NHLH2: variants seen among roughly 807,000 people sequenced by gnomAD.
The protein encoded by NHLH2 is nescient helix-loop-helix 2, also known as helix-loop-helix protein 2.
In NHLH2, 7 loss-of-function variants were observed where a neutral mutation model predicts 7.3. The observed-to-expected ratio is 0.96, with a 90% CI of 0.55 to 1.81. The LOEUF (loss-of-function observed/expected upper bound fraction) is 1.81, where lower values mean the gene tolerates loss of function less well. Among genes scored for constraint, NHLH2 ranks in the 40% most tolerant of loss-of-function variants. The pLI, the probability that NHLH2 is intolerant of heterozygous loss-of-function variation, is 0.00. For missense variants in NHLH2, 155 were observed against 194.0 expected (o/e 0.80, Z 1.19); for synonymous variants, 93 against 91.6 (o/e 1.01, Z -0.09).
chr1:115,840,137 G>A (rs1220349524), intron 2 of NHLH2, 79 bp downstream of exon 2: 3 of 166,948 alleles, frequency 1.8e-5, no homozygotes, highest in Non-Finnish European at 2.9e-5. Context: ...TCTCTTTATG[G>A]AATGAACTGC....
At chr1:115,833,405 G>A (rs571893653), downstream of NHLH2, among the ~76,000 whole-genome samples, 250 of 152,272 alleles carry the variant, frequency 1.6e-3, 1 homozygote, top group African/African-American at 5.6e-3. Context: ...TACTGCAGAC[G>A]CAGCACTCCT....
downstream of NHLH2, chr1:115,836,304 C>A (rs1455474494): frequency 3.3e-5 from 5 of 152,094 alleles, no homozygotes; most frequent in Non-Finnish European, 5.9e-5. Context: ...GGAATTGAGT[C>A]CATTAAGATA....
downstream of NHLH2, among the ~76,000 whole-genome samples, chr1:115,836,182 T>C (rs1318808776): frequency 1.3e-5 from 2 of 152,204 alleles, no homozygotes; most frequent in East Asian, 3.8e-4. Context: ...CACCATCATA[T>C]GTAGGGCATC....
chr1:115,839,766 C>A lies in NHLH2; in HGVS notation c.-9+450G>T, dbSNP rs1358068777. ...GCGTTTGCTTCTAGAGAAACAAAAG[C>A]AAGGGGATGGGTGATCGGTTCCCAG... On this transcript the variant is annotated intron_variant, in intron 2 of 2. Transcript: ENST00000320238. The A allele has an allele frequency of 2.4e-5, 4 of 166,858 alleles. No individual in the cohort carries two copies. The East Asian group carries it at 7.7e-4, about 32-fold the overall frequency. The allele number at this position is 166,858 out of a possible 1,614,324, so 10.3% of individuals were successfully genotyped here.
chr1:115,837,981 T>C lies in NHLH2; in HGVS notation c.392A>G (p.His131Arg). 1 of 1,602,646 alleles carries C rather than the reference T, an allele frequency of 6.2e-7. No homozygotes were observed. Among genetic ancestry groups the C allele is most frequent in the Non-Finnish European group, 8.5e-7 (1 of 1,175,656 alleles). Residue 131 changes from histidine to arginine, a missense_variant, in exon 3 of 3, where the codon CAC (histidine) becomes CGC (arginine). Coordinates refer to ENST00000320238, the MANE Select transcript of NHLH2 (RefSeq NM_005599.3). ...LAICYISYLNHVLDV is the reference protein window; with the variant it reads ...LAICYISYLNRVLDV The stretch of plus-strand genomic sequence containing the variant: ...CACCCCGCCCTACACGTCCAGGACG[T>C]GGTTGAGATAGGAGATGTAGCAGAT...
At chr1:115,838,509 C>T in intron 2 of NHLH2, 129 bp from the exon 3 acceptor site, 2 of 1,040,910 alleles carry the variant, frequency 1.9e-6, no homozygotes, top group East Asian at 2.9e-5. Flanking sequence ...CACAGCAGGC[C>T]GGCGCGCGAC....
downstream of NHLH2, among the ~76,000 whole-genome samples, chr1:115,831,763 A>T (rs1222616918): frequency 3.9e-5 from 6 of 152,166 alleles, no homozygotes; most frequent in East Asian, 1.2e-3. Context: ...TCTACAAAAA[A>T]TACAAAAAAT....
At chr1:115,833,486 G>A (rs1557827963), downstream of NHLH2, among the ~76,000 whole-genome samples, 1 of 152,056 alleles carries the variant, frequency 6.6e-6, no homozygotes, top group African/African-American at 2.4e-5. Flanking sequence ...ACCAAGGGGG[G>A]TGGTGTGTGA....
downstream of NHLH2, among the ~76,000 whole-genome samples, chr1:115,835,340 A>T (rs1307024981): frequency 6.6e-6 from 1 of 152,212 alleles, no homozygotes; most frequent in Non-Finnish European, 1.5e-5. Flanking sequence ...TGCTATAAGA[A>T]CTAGGAGTGG....
Position 115,838,300 on chromosome 1 carries a change from C to T in NHLH2, c.73G>A (p.Gly25Ser). 2 of 1,609,036 alleles carry T rather than the reference C, an allele frequency of 1.2e-6. No homozygotes were observed. Among genetic ancestry groups the T allele is most frequent in the Non-Finnish European group, 1.7e-6 (2 of 1,179,264 alleles). Residue 25 changes from glycine (G) to serine (S), a missense_variant, in exon 3 of 3, where the codon GGC becomes AGC. Around this residue, in one of 2 missense-constraint regions of NHLH2, gnomAD observed 91 missense variants for 86.6 expected, o/e 1.05. Transcript: ENST00000320238. ...CCGAGCACCTTGGTGTCCGTGCCGC[C>T]CAGGGACTCCGGATCCGAGTGCGCC... The part of the protein sequence containing the change: ...SSAHSDPESL[G>S]GTDTKVLGSV...
Position 115,840,324 on chromosome 1 carries a change from A to C in NHLH2, c.-117T>G, listed in dbSNP as rs1651036822. On this transcript the variant is annotated 5_prime_UTR_variant, in exon 2 of 3. It removes an upstream start codon present in the reference 5' UTR. Transcript: ENST00000320238. ...ATTAAAAGCAGCAAATATTTATTAC[A>C]TTCAAAAATGAAAAAGCAGCTGTCA... 3 of 167,122 alleles carry C rather than the reference A, an allele frequency of 1.8e-5. No individual in the cohort carries two copies. 10.4% of individuals were successfully genotyped at this position (167,122 alleles called of 1,614,324 possible).
In NHLH2 at chr1:115,838,080, G is replaced by C; in HGVS notation, c.293C>G (p.Ala98Gly). ...IRVEAFNLAF[A>G]ELRKLLPTLP... is the part of the protein sequence containing the mutation. ...CGTGGGCAGCAATTTGCGGAGCTCGGCGAAGGCCAAGTTGAAGGCTTCCAC... is the reference window on the plus strand; with the variant it reads ...CGTGGGCAGCAATTTGCGGAGCTCGCCGAAGGCCAAGTTGAAGGCTTCCAC... Residue 98 changes from alanine (A) to glycine (G), a missense_variant, in exon 3 of 3, where the codon GCC becomes GGC. By Grantham distance (60) the Ala-to-Gly change is moderately conservative. This residue lies in a region of NHLH2 where 64 missense variants were observed against 107.4 expected (regional missense o/e 0.60). Transcript: ENST00000320238. 6.2e-7 allele frequency: 1 copy of C among 1,609,006 alleles called. No homozygotes were observed. Among genetic ancestry groups the C allele is most frequent in the East Asian group, 2.3e-5 (1 of 44,160 alleles).
chr1:115,838,196 G>A lies in NHLH2; in HGVS notation c.177C>T (p.His59=), dbSNP rs751860238. 1.1e-5 allele frequency: 17 copies of A among 1,569,564 alleles called. No homozygotes were observed. Among genetic ancestry groups the A allele is most frequent in the Non-Finnish European group, 1.5e-5 (17 of 1,159,158 alleles). ...TCTCCTCGCGGCTCAGCTGCTGCGGGTGCGGGTAGAGCGCGGCTCGGCTGC... is the reference window on the plus strand; with the variant it reads ...TCTCCTCGCGGCTCAGCTGCTGCGGATGCGGGTAGAGCGCGGCTCGGCTGC... ...KGGSRAALYP[H]PQQLSREEKR... The change falls in exon 3 of 3, where the codon CAC becomes CAT. Residue 59 remains histidine, a synonymous_variant. Coordinates refer to ENST00000320238, the MANE Select transcript of NHLH2 (RefSeq NM_005599.3).
chr1:115,835,814 C>A (rs576286144), downstream of NHLH2, among the ~76,000 whole-genome samples: 1 of 151,864 alleles, frequency 6.6e-6, no homozygotes. Flanking sequence ...TTGCAGATGT[C>A]ATTCTTCTTA....
At chr1:115,835,531 G>A (rs1180049859), downstream of NHLH2, among the ~76,000 whole-genome samples, 2 of 152,148 alleles carry the variant, frequency 1.3e-5, no homozygotes, top group Non-Finnish European at 2.9e-5. Context: ...TCATATAAGG[G>A]AGAGGATGAG....
At chr1:115,833,671 T>G (rs947095535), downstream of NHLH2, among the ~76,000 whole-genome samples, 1 of 152,198 alleles carries the variant, frequency 6.6e-6, no homozygotes, top group Admixed American at 6.5e-5. Context: ...CCTCACTGGG[T>G]GGTTGTGAGA....
rs1238227890 is a variant in NHLH2, at chr1:115,838,079, G to C, written c.294C>G (p.Ala98=). The change falls in exon 3 of 3, where the codon GCC becomes GCG. Residue 98 remains alanine (A), a synonymous_variant. Coordinates refer to ENST00000320238, the MANE Select transcript of NHLH2 (RefSeq NM_005599.3). ...GCGTGGGCAGCAATTTGCGGAGCTC[G>C]GCGAAGGCCAAGTTGAAGGCTTCCA... ...IRVEAFNLAF[A]ELRKLLPTLP... 1.2e-6 allele frequency: 2 copies of C among 1,609,086 alleles called. No homozygotes were observed. The highest frequency in any genetic ancestry group is 1.7e-6 in the Non-Finnish European group (2 of 1,178,182).
At chr1:115,833,700 T>C (rs753158219), downstream of NHLH2, among the ~76,000 whole-genome samples, 38 of 152,340 alleles carry the variant, frequency 2.5e-4, no homozygotes, top group Admixed American at 7.2e-4. Context: ...AGATAATGCA[T>C]GCAAAGCACT....
chr1:115,832,031 A>G (rs535612306), downstream of NHLH2, among the ~76,000 whole-genome samples: 1 of 152,118 alleles, frequency 6.6e-6, no homozygotes, highest in African/African-American at 2.4e-5. Flanking sequence ...CTGACCTATC[A>G]TGGGTGAGCA....
Sources: allele counts gnomAD v4.1 joint callset (sites outside exome capture counted in the v4.1 genomes callset), GRCh38; gene constraint gnomAD v4.1.1; regional missense constraint gnomAD v4.1.1; transcripts MANE v1.5; gene names NCBI Gene and HGNC (gene_info 2026-07-23, HGNC 2026-07-21).